Variants in C2orf49 observed in about 807,000 individuals in gnomAD.
C2orf49 encodes tRNA-splicing ligase complex subunit ASW.
In C2orf49, 11 loss-of-function variants were observed where a neutral mutation model predicts 20.6. The observed-to-expected ratio is 0.53, with a 90% CI of 0.34 to 0.88. C2orf49 has a LOEUF of 0.88. Ranked by LOEUF, C2orf49 falls within the 40% of genes least tolerant of loss-of-function variation. C2orf49 has a pLI of 0.02. For missense variants in C2orf49, 289 were observed against 274.2 expected (o/e 1.05, Z -0.38); for synonymous variants, 134 against 108.5 (o/e 1.24, Z -1.46).
the C2orf49 span, chr2:105,367,634 T>C: frequency 1.9e-6 from 3 of 1,614,098 alleles, no homozygotes; most frequent in East Asian, 2.2e-5. Flanking sequence ...GAAATTCTGA[T>C]TGTCTTTGGG....
chr2:105,372,418 C>T, the C2orf49 span, among the ~76,000 whole-genome samples: 1 of 151,888 alleles, frequency 6.6e-6, no homozygotes, highest in African/African-American at 2.4e-5. Context: ...GTAGAGACAG[C>T]GTTTTACCAT....
chr2:105,361,387 T>G, the C2orf49 span: 1 of 1,614,128 alleles, frequency 6.2e-7, no homozygotes, highest in Middle Eastern at 1.7e-4. Flanking sequence ...AAGCAGTCGT[T>G]ATGCCACTGC....
chr2:105,351,611 A>G (rs976744781), downstream of C2orf49, among the ~76,000 whole-genome samples: 3 of 152,152 alleles, frequency 2.0e-5, no homozygotes, highest in African/African-American at 2.4e-5. Context: ...AAGCTCTTTC[A>G]GTTCGCTCCC....
chr2:105,350,913 G>GT (rs1207931970), downstream of C2orf49, among the ~76,000 whole-genome samples: 1 of 152,010 alleles, frequency 6.6e-6, no homozygotes, highest in Non-Finnish European at 1.5e-5. Context: ...GATTTTCTGA[G>GT]TTTTTCCCTA....
intron 1 of C2orf49, 85 bp downstream of exon 1, chr2:105,337,771 G>T: frequency 2.4e-6 from 3 of 1,256,428 alleles, no homozygotes; most frequent in East Asian, 2.6e-5. Context: ...GTAGCCCTCG[G>T]CAACCACGGA....
chr2:105,376,482 G>A, the C2orf49 span: 3 of 152,174 alleles, frequency 2.0e-5, no homozygotes, highest in African/African-American at 7.2e-5. Flanking sequence ...ATCATTAGAA[G>A]CCCTATCCAC....
In C2orf49 at chr2:105,337,618, A is replaced by G; in HGVS notation, c.31A>G (p.Thr11Ala). Residue 11 changes from threonine to alanine, a missense_variant, in exon 1 of 4, where the codon ACG becomes GCG. Physicochemically the swap from Thr to Ala is moderately conservative, Grantham distance 58. Coordinates refer to ENST00000258457, the MANE Select transcript of C2orf49 (RefSeq NM_024093.3). Reference sequence around the variant, plus strand: ...GGGGGATGTGGGCGGTCGCAGCTGCACGGACTCGGAACTGCTGCTGCACCC... The same window carrying G: ...GGGGGATGTGGGCGGTCGCAGCTGCGCGGACTCGGAACTGCTGCTGCACCC... The part of the protein sequence containing the change: MAGDVGGRSC[T>A]DSELLLHPEL... 6.2e-7 allele frequency: 1 copy of G among 1,604,354 alleles called. No homozygotes were observed. The highest frequency in any genetic ancestry group is 8.5e-7 in the Non-Finnish European group (1 of 1,175,066).
chr2:105,352,437 T>TTG (rs1221896933), downstream of C2orf49, among the ~76,000 whole-genome samples: 3 of 123,748 alleles, frequency 2.4e-5, no homozygotes, highest in Non-Finnish European at 3.5e-5. Context: ...GGGTTTTTTT[T>TTG]TTTTTTTTTT....
the C2orf49 span, among the ~76,000 whole-genome samples, chr2:105,383,083 G>C: frequency 6.6e-6 from 1 of 152,052 alleles, no homozygotes; most frequent in Non-Finnish European, 1.5e-5. Flanking sequence ...ACGGGGTTTC[G>C]CCATGTTGGC....
the C2orf49 span, among the ~76,000 whole-genome samples, chr2:105,370,163 A>G: frequency 6.6e-6 from 1 of 152,140 alleles, no homozygotes; most frequent in Non-Finnish European, 1.5e-5. Flanking sequence ...TCTTGAGCCC[A>G]GGAGTTGGCG....
At chr2:105,382,466 T>C in the C2orf49 span, among the ~76,000 whole-genome samples, 1 of 152,202 alleles carries the variant, frequency 6.6e-6, no homozygotes, top group Admixed American at 6.5e-5. Context: ...CCTTTAACCC[T>C]TGGCAAGATC....
intron 2 of C2orf49, among the ~76,000 whole-genome samples, chr2:105,341,868 C>T (rs1255615979): frequency 1.3e-5 from 2 of 152,186 alleles, no homozygotes; most frequent in Non-Finnish European, 2.9e-5. Flanking sequence ...ATTCTTTTAA[C>T]ATGTTTAATT....
intron 3 of C2orf49, among the ~76,000 whole-genome samples, chr2:105,344,754 T>A (rs1283669208): frequency 1.3e-5 from 2 of 151,910 alleles, no homozygotes; most frequent in Non-Finnish European, 2.9e-5. Context: ...TAATTTTTTT[T>A]TTTTTTATTT....
At chr2:105,382,524 A>T in the C2orf49 span, among the ~76,000 whole-genome samples, 1 of 152,234 alleles carries the variant, frequency 6.6e-6, no homozygotes, top group Non-Finnish European at 1.5e-5. Flanking sequence ...TGGAATGAAA[A>T]AAGTTCCTAC....
downstream of C2orf49, among the ~76,000 whole-genome samples, chr2:105,351,515 T>A (rs532537097): frequency 1.4e-4 from 22 of 152,270 alleles, 1 homozygote; most frequent in East Asian, 4.3e-3. Context: ...TCATGGATAC[T>A]TATTTTATAT....
At chr2:105,368,545 C>T in the C2orf49 span, among the ~76,000 whole-genome samples, 10 of 152,278 alleles carry the variant, frequency 6.6e-5, no homozygotes, top group South Asian at 2.1e-4. Context: ...CCTAAACCTA[C>T]GCCATCCATT....
chr2:105,340,268 C>G (rs1039494963), intron 2 of C2orf49, among the ~76,000 whole-genome samples: 5 of 152,140 alleles, frequency 3.3e-5, no homozygotes, highest in Non-Finnish European at 7.3e-5. Context: ...TGGCTGTACT[C>G]AGATGAGAAG....
chr2:105,361,167 C>T, the C2orf49 span: 4 of 1,052,102 alleles, frequency 3.8e-6, no homozygotes, highest in Non-Finnish European at 5.6e-6. Flanking sequence ...CTGAAAAGCA[C>T]TAGAAGAAAG....
At chr2:105,367,562 T>A in the C2orf49 span, 14 of 1,608,230 alleles carry the variant, frequency 8.7e-6, no homozygotes, top group Non-Finnish European at 1.1e-5. Flanking sequence ...AGGGGGCATC[T>A]GAGATACCTT....
Sources: gnomAD v4.1 joint callset for allele counts (sites outside exome capture counted in the v4.1 genomes callset) on GRCh38, gnomAD v4.1.1 for gene constraint, MANE v1.5 for transcripts, NCBI Gene and HGNC (gene_info 2026-07-23, HGNC 2026-07-21) for gene names.